RBFOX1: variants seen among roughly 807,000 people sequenced by gnomAD.
The protein encoded by RBFOX1 is RNA binding protein fox-1 homolog 1.
Under a neutral mutation model 57.7 loss-of-function variants are expected in RBFOX1, and 8 were observed. The observed-to-expected ratio is 0.14, with a 90% CI of 0.08 to 0.25. The LOEUF is 0.25. Ranked by LOEUF, RBFOX1 falls within the 10% of genes least tolerant of loss-of-function variation. The probability of loss-of-function intolerance (pLI) is 1.00; values close to 1 mark genes in which losing one functional copy is unlikely to be tolerated. For missense variants in RBFOX1, 611 were observed against 548.5 expected, an observed-to-expected ratio of 1.11 and a Z score of -1.14; for synonymous variants, 326 against 222.4, an observed-to-expected ratio of 1.47 and a Z score of -4.15.
At chr16:6,649,208 A>G (rs546334048) in intron 2 of RBFOX1, among the ~76,000 whole-genome samples, 2 of 152,276 alleles carry the variant, frequency 1.3e-5, no homozygotes, top group Admixed American at 6.5e-5. Context: ...TCTTTCTGTA[A>G]CTAGCTCATT....
chr16:7,106,094 T>C (rs868742362), intron 4 of RBFOX1, among the ~76,000 whole-genome samples: 64 of 152,334 alleles, frequency 4.2e-4, no homozygotes, highest in African/African-American at 1.5e-3. Context: ...CTGTCTTGAA[T>C]TCCTCCTTGT....
chr16:7,577,029 A>T (rs2093392259), intron 5 of RBFOX1, among the ~76,000 whole-genome samples: 1 of 152,188 alleles, frequency 6.6e-6, no homozygotes, highest in East Asian at 1.9e-4. Context: ...CTCAGCGGAG[A>T]AAACGCAAAT....
intron 4 of RBFOX1, among the ~76,000 whole-genome samples, chr16:7,417,530 G>T (rs942229693): frequency 9.0e-5 from 12 of 133,592 alleles, no homozygotes; most frequent in East Asian, 6.8e-4. Context: ...ACATGGTATT[G>T]TGTGTGTGTG....
At chr16:7,320,533 C>G (rs893781027) in intron 4 of RBFOX1, among the ~76,000 whole-genome samples, 4 of 152,126 alleles carry the variant, frequency 2.6e-5, no homozygotes, top group Non-Finnish European at 5.9e-5. Context: ...GTGCTGTATG[C>G]ACTAATCTTA....
At chr16:5,841,877 C>T (rs941723310) in intron 3 of RBFOX1, among the ~76,000 whole-genome samples, 2 of 152,228 alleles carry the variant, frequency 1.3e-5, no homozygotes, top group Non-Finnish European at 2.9e-5. Context: ...CATTCCTGGG[C>T]TGCCTCTCCT....
At chr16:6,585,496 C>T (rs2097596142) in intron 2 of RBFOX1, among the ~76,000 whole-genome samples, 1 of 152,194 alleles carries the variant, frequency 6.6e-6, no homozygotes, top group Non-Finnish European at 1.5e-5. Context: ...AGACATGTTT[C>T]AAGTGCCGTT....
In RBFOX1 at chr16:6,796,951, G is replaced by A. The variant is rs188080046; in HGVS notation, c.-16+142301G>A. On this transcript the variant is annotated intron_variant, in intron 3 of 15. Coordinates refer to ENST00000550418, the MANE Select transcript of RBFOX1 (RefSeq NM_018723.4). The stretch of plus-strand genomic sequence containing the variant: ...CAAATTGGAAATCATTGAGTACTAG[G>A]AGAGAGAGGAAACAGGGCATTCCTT... Among the ~76,000 whole-genome samples the A allele has an allele frequency of 1.1e-4, 16 of 151,200 alleles. No homozygotes were observed. In the East Asian group the frequency reaches 3.1e-3, roughly 29 times the overall value.
intron 4 of RBFOX1, among the ~76,000 whole-genome samples, chr16:7,490,761 T>G (rs1041244414): frequency 6.6e-6 from 1 of 152,160 alleles, no homozygotes; most frequent in African/African-American, 2.4e-5. Context: ...TCTTCTAGTC[T>G]TGGTGAAACA....
intron 1 of RBFOX1, among the ~76,000 whole-genome samples, chr16:6,177,309 C>A (rs2097019775): frequency 6.6e-6 from 1 of 151,812 alleles, no homozygotes; most frequent in African/African-American, 2.4e-5. Context: ...TTCTTTCTCC[C>A]TTTGCCCTCC....
intron 2 of RBFOX1, among the ~76,000 whole-genome samples, chr16:6,527,815 G>A (rs571608999): frequency 3.0e-4 from 46 of 152,204 alleles, no homozygotes; most frequent in Admixed American, 2.4e-3. Context: ...GGGTAGGGAC[G>A]TGTGGATGCA....
At chr16:5,306,645 G>C (rs199994318) in intron 1 of RBFOX1, among the ~76,000 whole-genome samples, 1 of 152,166 alleles carries the variant, frequency 6.6e-6, no homozygotes, top group African/African-American at 2.4e-5. Flanking sequence ...GCTTTATCAT[G>C]AAAGATCGAG....
chr16:5,325,011 C>G (rs916480316), intron 1 of RBFOX1, among the ~76,000 whole-genome samples: 4 of 152,138 alleles, frequency 2.6e-5, no homozygotes, highest in African/African-American at 7.2e-5. Context: ...TGGGTGAAAT[C>G]TGTACAACAA....
At chr16:6,759,146 A>T (rs1219023486) in intron 3 of RBFOX1, among the ~76,000 whole-genome samples, 1 of 49,424 alleles carries the variant, frequency 2.0e-5, no homozygotes, top group Non-Finnish European at 4.2e-5. Context: ...TTACTTATCA[A>T]TTCTTTTTTT....
intron 3 of RBFOX1, among the ~76,000 whole-genome samples, chr16:5,716,789 T>C (rs1205580486): frequency 6.6e-6 from 1 of 152,214 alleles, no homozygotes; most frequent in Non-Finnish European, 1.5e-5. Context: ...CATTGGAAAC[T>C]GGAGCTCAAG....
chr16:5,425,452 G>T (rs2067530575), intron 1 of RBFOX1, among the ~76,000 whole-genome samples: 1 of 152,072 alleles, frequency 6.6e-6, no homozygotes, highest in Non-Finnish European at 1.5e-5. Flanking sequence ...GGATGATGGA[G>T]ATCTCCTCCC....
intron 4 of RBFOX1, among the ~76,000 whole-genome samples, chr16:7,426,966 G>C (rs2098623695): frequency 1.3e-5 from 2 of 152,180 alleles, no homozygotes; most frequent in South Asian, 4.1e-4. Context: ...CCTTTGTAGG[G>C]ACATGGATGA....
chr16:7,146,095 A>G (rs1187536576), intron 4 of RBFOX1, among the ~76,000 whole-genome samples: 1 of 152,182 alleles, frequency 6.6e-6, no homozygotes, highest in Non-Finnish European at 1.5e-5. Context: ...ATGAATTTTA[A>G]AATGAACTTT....
In RBFOX1 at chr16:7,097,561, C is replaced by G. The variant is rs148261931; in HGVS notation, c.27+45463C>G. Reference sequence around the variant, plus strand: ...TCATTTCTTTCTAGGATTTTAAGCACCTCTCCATCTGCCTCAAATAATCAA... The same window carrying G: ...TCATTTCTTTCTAGGATTTTAAGCAGCTCTCCATCTGCCTCAAATAATCAA... On this transcript the variant is annotated intron_variant, in intron 4 of 15. Transcript: ENST00000550418. Among the ~76,000 whole-genome samples, 361 of 152,246 alleles carry G rather than the reference C, an allele frequency of 2.4e-3. 1 individual carries two copies. Among genetic ancestry groups the G allele is most frequent in the African/African-American group, 8.3e-3 (345 of 41,548 alleles).
At chr16:7,454,535 G>T (rs1017327879) in intron 4 of RBFOX1, among the ~76,000 whole-genome samples, 1 of 152,148 alleles carries the variant, frequency 6.6e-6, no homozygotes, top group African/African-American at 2.4e-5. Flanking sequence ...CCATGCATGT[G>T]AGAAAGTGTA....
Sources: gnomAD v4.1 joint callset for allele counts (sites outside exome capture counted in the v4.1 genomes callset) on GRCh38, gnomAD v4.1.1 for gene constraint, MANE v1.5 for transcripts, NCBI Gene and HGNC (gene_info 2026-07-23, HGNC 2026-07-21) for gene names.